COMMD10: variants seen among roughly 807,000 people sequenced by gnomAD.
COMMD10 encodes COMM domain-containing protein 10.
In COMMD10, 33 loss-of-function variants were observed where a neutral mutation model predicts 28.9. That is an observed-to-expected ratio of 1.14 (90% CI 0.87 to 1.53). The LOEUF (loss-of-function observed/expected upper bound fraction) is 1.53, where lower values mean the gene tolerates loss of function less well. COMMD10 is among the 40% of genes most tolerant of loss of function. The pLI is 0.00. For missense variants in COMMD10, 310 were observed against 233.4 expected (o/e 1.33, Z -2.14); for synonymous variants, 110 against 81.7 (o/e 1.35, Z -1.87).
rs537089962 is a variant in COMMD10 at position 116,185,065 on chromosome 5, C to T, written c.510+50887C>T. 2.3e-4 allele frequency among the ~76,000 whole-genome samples: 35 copies of T among 152,154 alleles called. 1 individual carries two copies. Among genetic ancestry groups the T allele is most frequent in the Admixed American group, 1.6e-3 (24 of 15,248 alleles). ...AAGTTTTGGCACATACAGGTTTCTT[C>T]CCAAAGATGAACAAGTCCTACTGCT... On this transcript the variant is annotated intron_variant, in intron 5 of 6. Coordinates refer to ENST00000274458, the MANE Select transcript of COMMD10 (RefSeq NM_016144.4).
At chr5:116,102,572 G>T (rs1033435310) in intron 4 of COMMD10, among the ~76,000 whole-genome samples, 5 of 151,976 alleles carry the variant, frequency 3.3e-5, no homozygotes, top group Non-Finnish European at 7.4e-5. Flanking sequence ...TTTTAGGATT[G>T]TTTTTCCTAA....
intron 5 of COMMD10, among the ~76,000 whole-genome samples, chr5:116,135,143 G>T (rs1312729702): frequency 6.6e-6 from 1 of 152,084 alleles, no homozygotes; most frequent in Non-Finnish European, 1.5e-5. Context: ...CTCCTAAGTA[G>T]ATAAGACTAT....
intron 4 of COMMD10, among the ~76,000 whole-genome samples, chr5:116,110,521 A>G (rs921789692): frequency 6.6e-6 from 1 of 152,136 alleles, no homozygotes; most frequent in South Asian, 2.1e-4. Flanking sequence ...AGATTTTATT[A>G]CTGATTTAAT....
At chr5:116,181,702 G>A (rs6878871) in intron 5 of COMMD10, among the ~76,000 whole-genome samples, 47,551 of 151,628 alleles carry the variant, frequency 0.31, 10,327 homozygotes, top group African/African-American at 0.62. Context: ...TGGTGGAACC[G>A]TTTGACCTAA....
chr5:116,242,499 G>T (rs1045234878), intron 5 of COMMD10, among the ~76,000 whole-genome samples: 1 of 152,180 alleles, frequency 6.6e-6, no homozygotes, highest in Non-Finnish European at 1.5e-5. Context: ...CATCTTACAG[G>T]AAAGAGAACT....
intron 5 of COMMD10, among the ~76,000 whole-genome samples, chr5:116,178,361 A>T (rs1425189140): frequency 1.3e-5 from 2 of 151,968 alleles, no homozygotes; most frequent in African/African-American, 4.8e-5. Flanking sequence ...TTAATTAGTA[A>T]GATTAAAGCC....
chr5:116,146,139 A>C (rs983653139), intron 5 of COMMD10, among the ~76,000 whole-genome samples: 1 of 151,842 alleles, frequency 6.6e-6, no homozygotes, highest in African/African-American at 2.4e-5. Flanking sequence ...ATACATGTAA[A>C]ACTTGAAAGC....
chr5:116,262,108 C>T (rs1182937293), intron 5 of COMMD10, among the ~76,000 whole-genome samples: 5 of 151,608 alleles, frequency 3.3e-5, no homozygotes, highest in African/African-American at 7.3e-5. Flanking sequence ...AGGATTCAGA[C>T]ACAGGCAGTC....
intron 4 of COMMD10, among the ~76,000 whole-genome samples, chr5:116,095,025 A>C (rs1490664194): frequency 8.5e-5 from 13 of 152,134 alleles, no homozygotes; most frequent in Non-Finnish European, 1.5e-5. Flanking sequence ...AATGCATGGG[A>C]TGTGGGGTCG....
At position 116,269,851 on chromosome 5, in the gene COMMD10, A is replaced by C. The variant is rs552424002; in HGVS notation, c.511-21666A>C. ...CTTCTCTACCTTTTGTTAGAGGAAT[A>C]AGGGATGAGGATGAGAGAATTAATA... On this transcript the variant is annotated intron_variant, in intron 5 of 6. Transcript: ENST00000274458. Among the ~76,000 whole-genome samples, 5 of 151,950 alleles carry C rather than the reference A, an allele frequency of 3.3e-5. No homozygotes were observed. The East Asian group carries it at 9.7e-4, about 29-fold the overall frequency.
chr5:116,154,692 C>T lies in COMMD10; in HGVS notation c.510+20514C>T, dbSNP rs141690373. On this transcript the variant is annotated intron_variant, in intron 5 of 6. Transcript: ENST00000274458. ...CACCTTTATTCATCACACAGTTTTC[C>T]TTAATCCTCATCTCTGCCAGCCTTG... is the stretch of plus-strand genomic sequence containing the variant. Among the ~76,000 whole-genome samples the T allele has an allele frequency of 1.9e-3, 292 of 152,028 alleles. 3 individuals carry two copies. Among genetic ancestry groups the T allele is most frequent in the African/African-American group, 6.6e-3 (274 of 41,430 alleles).
At chr5:116,135,804 G>A (rs1580477575) in intron 5 of COMMD10, among the ~76,000 whole-genome samples, 1 of 152,244 alleles carries the variant, frequency 6.6e-6, no homozygotes, top group East Asian at 1.9e-4. Flanking sequence ...GCCTCCACTG[G>A]GAGTTTTGGA....
chr5:116,132,406 C>T (rs1281230450), intron 4 of COMMD10, among the ~76,000 whole-genome samples: 2 of 152,170 alleles, frequency 1.3e-5, no homozygotes, highest in Non-Finnish European at 2.9e-5. Context: ...AAGCATGAAC[C>T]AAATCATAAA....
intron 5 of COMMD10, among the ~76,000 whole-genome samples, chr5:116,234,040 C>T (rs1304481944): frequency 6.6e-6 from 1 of 152,030 alleles, no homozygotes; most frequent in Non-Finnish European, 1.5e-5. Context: ...GCTAATGTGT[C>T]TGAAGAGTCA....
intron 4 of COMMD10, among the ~76,000 whole-genome samples, chr5:116,130,300 G>A (rs1367576571): frequency 6.6e-6 from 1 of 151,914 alleles, no homozygotes; most frequent in Non-Finnish European, 1.5e-5. Context: ...TTAGGTGGTA[G>A]TCAGCAAGCA....
At chr5:116,259,784 T>C (rs1750391238) in intron 5 of COMMD10, among the ~76,000 whole-genome samples, 1 of 151,818 alleles carries the variant, frequency 6.6e-6, no homozygotes. Context: ...AATTGGCTGC[T>C]ACCTTGTTCT....
chr5:116,147,723 G>C (rs1305439366), intron 5 of COMMD10, among the ~76,000 whole-genome samples: 1 of 151,726 alleles, frequency 6.6e-6, no homozygotes, highest in Non-Finnish European at 1.5e-5. Flanking sequence ...AAAGAACCTT[G>C]ATTTTGTCTT....
At chr5:116,132,896 T>C (rs1002133500) in intron 4 of COMMD10, among the ~76,000 whole-genome samples, 3 of 152,138 alleles carry the variant, frequency 2.0e-5, no homozygotes, top group Non-Finnish European at 4.4e-5. Context: ...ACATCTTCCT[T>C]CTTTTTACCC....
intron 5 of COMMD10, among the ~76,000 whole-genome samples, chr5:116,157,475 C>T (rs998729809): frequency 1.3e-5 from 2 of 152,068 alleles, no homozygotes; most frequent in African/African-American, 4.8e-5. Flanking sequence ...GACTTTATGT[C>T]GGTTATCATT....
Sources: gnomAD v4.1 joint callset for allele counts (sites outside exome capture counted in the v4.1 genomes callset) on GRCh38, gnomAD v4.1.1 for gene constraint, MANE v1.5 for transcripts, NCBI Gene and HGNC (gene_info 2026-07-23, HGNC 2026-07-21) for gene names.